Variants in RPS6KA2 observed in about 807,000 individuals in gnomAD.
RPS6KA2 encodes ribosomal protein S6 kinase A2.
A neutral mutation model predicts 91.8 loss-of-function variants in RPS6KA2; 42 were observed. That is an observed-to-expected ratio of 0.46 (90% confidence interval 0.36 to 0.59). RPS6KA2 has a LOEUF of 0.59. Ranked by LOEUF, RPS6KA2 falls within the 20% of genes least tolerant of loss-of-function variation. The pLI is 0.00. For synonymous variants in RPS6KA2, 414 were observed against 393.6 expected (o/e 1.05, Z -0.61); for missense variants, 798 against 978.5 (o/e 0.82, Z 2.46).
intron 1 of RPS6KA2, among the ~76,000 whole-genome samples, chr6:166,600,413 T>C (rs900585273): frequency 1.3e-5 from 2 of 152,240 alleles, no homozygotes; most frequent in Non-Finnish European, 2.9e-5. Flanking sequence ...TGGCACCTTG[T>C]AGAAACTCAA....
chr6:166,851,632 ACAC>A (rs1214547882), intron 2 of RPS6KA2, among the ~76,000 whole-genome samples: 9 of 152,256 alleles, frequency 5.9e-5, no homozygotes, highest in African/African-American at 1.7e-4. Context: ...AGACCACGGG[ACAC>A]AGTCTCCAGC....
chr6:166,601,628 A>G (rs2032544), intron 1 of RPS6KA2, among the ~76,000 whole-genome samples: 17,859 of 152,238 alleles, frequency 0.12, 1,171 homozygotes, highest in East Asian at 0.33. Flanking sequence ...TGAATTCAGA[A>G]GTGCTTGCAG....
chr6:166,658,481 C>T (rs1788063772), intron 2 of RPS6KA2, among the ~76,000 whole-genome samples: 1 of 152,182 alleles, frequency 6.6e-6, no homozygotes, highest in Non-Finnish European at 1.5e-5. Context: ...ATGCAAATCC[C>T]ACAAATGACA....
chr6:166,658,809 C>T (rs1788074431), intron 2 of RPS6KA2, among the ~76,000 whole-genome samples: 1 of 152,164 alleles, frequency 6.6e-6, no homozygotes. Flanking sequence ...GGCCCTAAAC[C>T]CTCCGTGTTC....
In RPS6KA2 at chr6:166,648,326, T is replaced by C. The variant is rs898291926; in HGVS notation, c.124-109542A>G. 6.6e-6 allele frequency among the ~76,000 whole-genome samples: 1 copy of C among 150,768 alleles called. No individual in the cohort carries two copies. Among genetic ancestry groups the C allele is most frequent in the Non-Finnish European group, 1.5e-5 (1 of 67,568 alleles). ...GCATGTATACACATGCACACACACATACATGCACACGCTTCTCCTCACTCC... is the reference window on the plus strand; with the variant it reads ...GCATGTATACACATGCACACACACACACATGCACACGCTTCTCCTCACTCC... On this transcript the variant is annotated intron_variant, in intron 2 of 21. Transcript: ENST00000503859. The surrounding 1 kb of genome is among the most constrained non-coding windows in gnomAD (Gnocchi z 4.8).
At chr6:166,586,243 A>G in intron 1 of RPS6KA2, 1 of 1,594,638 alleles carries the variant, frequency 6.3e-7, no homozygotes, top group Non-Finnish European at 8.5e-7. Flanking sequence ...CACTGATTGG[A>G]TCGATTGTCA....
At chr6:166,467,730 C>T (rs1409446969) in intron 11 of RPS6KA2, among the ~76,000 whole-genome samples, 3 of 152,330 alleles carry the variant, frequency 2.0e-5, no homozygotes, top group Non-Finnish European at 2.9e-5. Flanking sequence ...TCCCCTGCTG[C>T]ATCCTCCTTG....
At chr6:166,606,237 C>T (rs969727330) in intron 1 of RPS6KA2, among the ~76,000 whole-genome samples, 1 of 152,204 alleles carries the variant, frequency 6.6e-6, no homozygotes, top group Admixed American at 6.5e-5. Flanking sequence ...CCCACAAGGT[C>T]GGAGTGCTTG....
chr6:166,469,569 ACT>A (rs1780679409), intron 11 of RPS6KA2, among the ~76,000 whole-genome samples: 1 of 151,896 alleles, frequency 6.6e-6, no homozygotes, highest in African/African-American at 2.4e-5. Context: ...AGAAGCCTCG[ACT>A]CTGATGGGCA....
intron 2 of RPS6KA2, among the ~76,000 whole-genome samples, chr6:166,637,814 C>T (rs1385110664): frequency 6.6e-6 from 1 of 152,222 alleles, no homozygotes; most frequent in Non-Finnish European, 1.5e-5. Context: ...TTCAGATTTG[C>T]AGCATAAGAC....
chr6:166,573,649 G>A lies in RPS6KA2; in HGVS notation c.100-34865C>T, dbSNP rs529954758. 6.6e-5 allele frequency among the ~76,000 whole-genome samples: 10 copies of A among 152,292 alleles called. No homozygotes were observed. In the South Asian group the frequency reaches 1.2e-3, roughly 19 times the overall value. On this transcript the variant is annotated intron_variant, in intron 1 of 20. Coordinates refer to ENST00000265678, the MANE Select transcript of RPS6KA2 (RefSeq NM_021135.6). Reference sequence around the variant, plus strand: ...CTGACTCTGTGGCTCCGGCCTCACCGGCCTTTGCTGCACTTACTCCCATTG... The same window carrying A: ...CTGACTCTGTGGCTCCGGCCTCACCAGCCTTTGCTGCACTTACTCCCATTG...
At chr6:166,839,780 C>A (rs1780419588) in intron 2 of RPS6KA2, among the ~76,000 whole-genome samples, 1 of 147,996 alleles carries the variant, frequency 6.8e-6, no homozygotes, top group African/African-American at 2.5e-5. Context: ...GGACAAAGGC[C>A]CAGAAATGGG....
intron 2 of RPS6KA2, among the ~76,000 whole-genome samples, chr6:166,634,285 C>T (rs1000095914): frequency 6.6e-6 from 1 of 152,106 alleles, no homozygotes; most frequent in Non-Finnish European, 1.5e-5. Flanking sequence ...AGCAAGAGGC[C>T]GAGGTGGGCA....
intron 2 of RPS6KA2, among the ~76,000 whole-genome samples, chr6:166,820,605 C>G (rs1779884259): frequency 6.6e-6 from 1 of 152,190 alleles, no homozygotes; most frequent in African/African-American, 2.4e-5. Flanking sequence ...AGTTGAGTTA[C>G]TGTGCAGATC....
chr6:166,701,395 G>C, intron 2 of RPS6KA2: 1 of 1,335,690 alleles, frequency 7.5e-7, no homozygotes, highest in Admixed American at 1.7e-5. Context: ...TAGGACTAAC[G>C]AAGTTTTCTT....
chr6:166,492,518 C>T (rs538470236), intron 8 of RPS6KA2, among the ~76,000 whole-genome samples: 1 of 152,238 alleles, frequency 6.6e-6, no homozygotes, highest in South Asian at 2.1e-4. Flanking sequence ...TTCTTTCTTT[C>T]TTGAGTCTAT....
At chr6:166,417,620 TACACACAC>T (rs10568123) in intron 19 of RPS6KA2, among the ~76,000 whole-genome samples, 51 of 148,488 alleles carry the variant, frequency 3.4e-4, no homozygotes, top group Non-Finnish European at 4.9e-4. Context: ...TCTCTCTCTA[TACACACAC>T]ACACACACAC....
intron 10 of RPS6KA2, among the ~76,000 whole-genome samples, chr6:166,483,612 G>C (rs1308304779): frequency 1.3e-5 from 2 of 152,218 alleles, no homozygotes; most frequent in African/African-American, 4.8e-5. Flanking sequence ...TTAAGATTAA[G>C]GGTAAATCGC....
intron 2 of RPS6KA2, chr6:166,757,385 T>C: frequency 2.5e-6 from 1 of 398,176 alleles, no homozygotes; most frequent in Non-Finnish European, 5.1e-6. Flanking sequence ...GAGACCTGTG[T>C]TCATGATCTG....
Sources: allele counts gnomAD v4.1 joint callset (sites outside exome capture counted in the v4.1 genomes callset), GRCh38; gene constraint gnomAD v4.1.1; non-coding constraint Gnocchi (gnomAD v3.1); transcripts MANE v1.5; gene names NCBI Gene and HGNC (gene_info 2026-07-23, HGNC 2026-07-21).